Variants in NAALADL2 observed in about 807,000 individuals in gnomAD.
The protein encoded by NAALADL2 is inactive N-acetylated-alpha-linked acidic dipeptidase-like protein 2.
Under a neutral mutation model 87.2 loss-of-function variants are expected in NAALADL2, and 76 were observed. The ratio of observed to expected loss-of-function variants is 0.87; its 90% confidence interval spans 0.72 to 1.05. The LOEUF is 1.05. Ranked by LOEUF, NAALADL2 falls within the 50% of genes least tolerant of loss-of-function variation. The pLI is 0.00. For synonymous variants in NAALADL2, 354 were observed against 331.0 expected (o/e 1.07, Z -0.75); for missense variants, 1,089 against 945.8 (o/e 1.15, Z -1.99).
At chr3:174,768,199 A>G (rs1207282178) in intron 3 of NAALADL2, among the ~76,000 whole-genome samples, 2 of 152,154 alleles carry the variant, frequency 1.3e-5, no homozygotes, top group South Asian at 4.1e-4. Context: ...AGGATGATAA[A>G]TTGTTTTGGA....
intron 1 of NAALADL2, among the ~76,000 whole-genome samples, chr3:174,901,609 T>G (rs1312545921): frequency 6.6e-6 from 1 of 151,832 alleles, no homozygotes; most frequent in Non-Finnish European, 1.5e-5. Flanking sequence ...ATAAGCTGAG[T>G]TTTTTTTCAG....
At chr3:174,691,560 T>G (rs1728583391) in intron 2 of NAALADL2, among the ~76,000 whole-genome samples, 1 of 152,172 alleles carries the variant, frequency 6.6e-6, no homozygotes. Context: ...GAGTCATAGT[T>G]GCTGAAGGCT....
intron 4 of NAALADL2, among the ~76,000 whole-genome samples, chr3:175,267,125 T>C (rs1752063371): frequency 6.6e-6 from 1 of 151,994 alleles, no homozygotes; most frequent in Non-Finnish European, 1.5e-5. Flanking sequence ...GCAAGCATTG[T>C]TGTAGCTATT....
In NAALADL2 at chr3:175,027,326, A is replaced by G. The variant is rs567294823; in HGVS notation, c.44-69464A>G. On this transcript the variant is annotated intron_variant, in intron 1 of 13. Transcript: ENST00000454872. The stretch of plus-strand genomic sequence containing the variant: ...CAGATCTGAAGCAGCATAGGTGAAG[A>G]AATACTGTATAAAACACAAAACTGA... 1.1e-4 allele frequency among the ~76,000 whole-genome samples: 16 copies of G among 152,266 alleles called. No individual in the cohort carries two copies. In the South Asian group the frequency reaches 3.1e-3, roughly 30 times the overall value.
At chr3:175,390,560 A>G (rs1226040873) in intron 5 of NAALADL2, among the ~76,000 whole-genome samples, 14 of 152,138 alleles carry the variant, frequency 9.2e-5, no homozygotes, top group Admixed American at 9.2e-4. Context: ...GAGCTTCGGG[A>G]TGAGAGAAGC....
chr3:175,667,241 A>AAGAAAGAAAAAAAG (rs1182682303), intron 11 of NAALADL2, among the ~76,000 whole-genome samples: 2 of 91,718 alleles, frequency 2.2e-5, no homozygotes, highest in Non-Finnish European at 4.3e-5. Context: ...GAAAGAAAGA[A>AAGAAAGAAAAAAAG]AAAGAAAGAA....
chr3:174,657,181 C>T (rs1009673353), intron 2 of NAALADL2, among the ~76,000 whole-genome samples: 3 of 151,716 alleles, frequency 2.0e-5, no homozygotes, highest in Non-Finnish European at 4.4e-5. Context: ...AGGCACATGC[C>T]ACCACCGGCC....
At chr3:175,801,893 G>A (rs1754198005) in intron 13 of NAALADL2, among the ~76,000 whole-genome samples, 2 of 152,054 alleles carry the variant, frequency 1.3e-5, no homozygotes, top group Non-Finnish European at 2.9e-5. Flanking sequence ...TCAGCAATTT[G>A]ACTAAGTTAC....
At chr3:175,191,692 G>A (rs1023497111) in intron 2 of NAALADL2, among the ~76,000 whole-genome samples, 4 of 152,146 alleles carry the variant, frequency 2.6e-5, no homozygotes, top group African/African-American at 4.8e-5. Context: ...TATAATGTAC[G>A]CATTTTGGTT....
intron 2 of NAALADL2, among the ~76,000 whole-genome samples, chr3:174,564,064 C>G (rs1231227255): frequency 6.6e-6 from 1 of 152,132 alleles, no homozygotes; most frequent in African/African-American, 2.4e-5. Context: ...GATGTTCTAC[C>G]TAGGTATGCC....
intron 1 of NAALADL2, among the ~76,000 whole-genome samples, chr3:175,075,016 A>G (rs374603595): frequency 2.6e-4 from 40 of 152,272 alleles, no homozygotes; most frequent in African/African-American, 9.4e-4. Context: ...TCCATATAAA[A>G]CAATGGACGA....
chr3:175,209,374 C>T (rs1741431403), intron 2 of NAALADL2, among the ~76,000 whole-genome samples: 1 of 152,016 alleles, frequency 6.6e-6, no homozygotes, highest in African/African-American at 2.4e-5. Flanking sequence ...AAGTACATTT[C>T]TTTGAAGAGC....
chr3:175,451,357 G>T (rs924815935), intron 6 of NAALADL2, among the ~76,000 whole-genome samples: 1 of 152,000 alleles, frequency 6.6e-6, no homozygotes, highest in Non-Finnish European at 1.5e-5. Context: ...AATGGAAAAA[G>T]AATCATGAAA....
intron 3 of NAALADL2, among the ~76,000 whole-genome samples, chr3:175,243,531 CTTTTTTTT>C (rs3066298): frequency 3.5e-5 from 3 of 85,600 alleles, no homozygotes; most frequent in African/African-American, 4.4e-5. Context: ...CACATCAGGA[CTTTTTTTT>C]TTTTTTTTTT....
chr3:174,784,434 ATTTG>A (rs1175832850), intron 3 of NAALADL2, among the ~76,000 whole-genome samples: 1 of 152,174 alleles, frequency 6.6e-6, no homozygotes, highest in Non-Finnish European at 1.5e-5. Context: ...CATAATATAT[ATTTG>A]TTTAAACAGA....
chr3:174,553,627 TATA>T (rs1376712211), intron 2 of NAALADL2, among the ~76,000 whole-genome samples: 4 of 152,192 alleles, frequency 2.6e-5, no homozygotes, highest in Non-Finnish European at 5.9e-5. Flanking sequence ...TTTAATGAGT[TATA>T]ATCATCTTTA....
intron 10 of NAALADL2, among the ~76,000 whole-genome samples, chr3:175,615,728 G>A (rs1380882217): frequency 1.3e-5 from 2 of 151,596 alleles, no homozygotes; most frequent in Admixed American, 6.6e-5. Context: ...CGTGTGGCAC[G>A]CACCTGTAGT....
chr3:175,694,349 G>T (rs1028686359), intron 11 of NAALADL2, among the ~76,000 whole-genome samples: 1 of 152,036 alleles, frequency 6.6e-6, no homozygotes, highest in African/African-American at 2.4e-5. Context: ...TTTTTAAATA[G>T]GGAAATTATT....
intron 11 of NAALADL2, among the ~76,000 whole-genome samples, chr3:175,664,588 A>G (rs1022871220): frequency 2.7e-5 from 4 of 148,268 alleles, no homozygotes; most frequent in African/African-American, 1.1e-4. Context: ...TAAAATTTTT[A>G]TATAAAGAAC....
Sources: gnomAD v4.1 joint callset for allele counts (sites outside exome capture counted in the v4.1 genomes callset) on GRCh38, gnomAD v4.1.1 for gene constraint, MANE v1.5 for transcripts, NCBI Gene and HGNC (gene_info 2026-07-23, HGNC 2026-07-21) for gene names.